Variants in GGTA1 observed in about 807,000 individuals in gnomAD.
GGTA1 encodes the protein inactive N-acetyllactosaminide alpha-1,3-galactosyltransferase.
In GGTA1, 5 loss-of-function variants were observed where a neutral mutation model predicts 2.6. The observed-to-expected ratio is 1.92, with a 90% CI of 1.00 to 4.04. The LOEUF is 4.04. Ranked by LOEUF, GGTA1 falls within the 30% of genes most tolerant of loss-of-function variation. The probability of loss-of-function intolerance (pLI) is 0.00; values close to 1 mark genes in which losing one functional copy is unlikely to be tolerated. For missense variants in GGTA1, 50 were observed against 16.7 expected, an observed-to-expected ratio of 2.99 and a Z score of -3.47; for synonymous variants, 17 against 5.0, an observed-to-expected ratio of 3.38 and a Z score of -3.19.
At chr9:121,497,354 C>T (rs10120621) in intron 1 of GGTA1, among the ~76,000 whole-genome samples, 43,431 of 152,088 alleles carry the variant, frequency 0.29, 6,777 homozygotes, top group Middle Eastern at 0.37. Context: ...TTGTTCTCCC[C>T]TCACCTCTGC....
chr9:121,474,525 T>C (rs548494391), intron 1 of GGTA1, among the ~76,000 whole-genome samples: 39 of 152,272 alleles, frequency 2.6e-4, no homozygotes, highest in Non-Finnish European at 4.7e-4. Flanking sequence ...GACAGACTTT[T>C]CCATATGGCC....
chr9:121,469,541 G>T (rs1204287211), intron 1 of GGTA1, among the ~76,000 whole-genome samples: 5 of 152,206 alleles, frequency 3.3e-5, no homozygotes, highest in African/African-American at 1.2e-4. Context: ...CTGGGGTGTG[G>T]AGGGTAGATC....
intron 5 of GGTA1, among the ~76,000 whole-genome samples, chr9:121,456,340 G>C (rs2064911215): frequency 6.6e-6 from 1 of 152,156 alleles, no homozygotes. Context: ...CACCTTCCTA[G>C]GTTATTGGCA....
At chr9:121,465,840 G>C (rs888278287) in intron 2 of GGTA1, among the ~76,000 whole-genome samples, 6 of 152,192 alleles carry the variant, frequency 3.9e-5, no homozygotes, top group Non-Finnish European at 8.8e-5. Context: ...CCTAGGCATT[G>C]CTTCCCAGTG....
chr9:121,465,077 CA>C (rs2118685386), intron 2 of GGTA1, among the ~76,000 whole-genome samples: 1 of 151,830 alleles, frequency 6.6e-6, no homozygotes, highest in African/African-American at 2.4e-5. Flanking sequence ...TTCTGCACAT[CA>C]GAGGATGTTG....
At chr9:121,493,197 T>C (rs1017331136) in intron 1 of GGTA1, among the ~76,000 whole-genome samples, 1 of 151,806 alleles carries the variant, frequency 6.6e-6, no homozygotes, top group Non-Finnish European at 1.5e-5. Flanking sequence ...CCCAGCCTCT[T>C]CCATTTCCTG....
At chr9:121,487,040 GA>G (rs1828771357) in intron 1 of GGTA1, among the ~76,000 whole-genome samples, 1 of 152,122 alleles carries the variant, frequency 6.6e-6, no homozygotes, top group Non-Finnish European at 1.5e-5. Context: ...GAAGAGACAG[GA>G]AATCCTCGAT....
At chr9:121,451,718 C>T (rs372737395), downstream of GGTA1, among the ~76,000 whole-genome samples, 1 of 152,162 alleles carries the variant, frequency 6.6e-6, no homozygotes, top group African/African-American at 2.4e-5. Context: ...CACTCAGCAC[C>T]TAGAACTTGC....
intron 1 of GGTA1, among the ~76,000 whole-genome samples, chr9:121,496,441 A>G (rs1828993847): frequency 6.6e-6 from 1 of 152,098 alleles, no homozygotes; most frequent in Non-Finnish European, 1.5e-5. Context: ...CGTAAAAAAT[A>G]GAAGGTAGGC....
rs963303356 is a variant in GGTA1 at position 121,461,197 on chromosome 9, C to G, written c.182+55G>C. ...GAACATGAAACCATTGTGTGTGGACCCTCTGCAAGCACCAGGCGGGTGGGC... is the reference window on the plus strand; with the variant it reads ...GAACATGAAACCATTGTGTGTGGACGCTCTGCAAGCACCAGGCGGGTGGGC... On this transcript the variant is annotated intron_variant, in intron 4 of 5. Coordinates refer to ENST00000481799, the MANE Select transcript of GGTA1 (RefSeq NM_001382585.1). 2.9e-5 allele frequency: 13 copies of G among 442,814 alleles called. No homozygotes were observed. In the Admixed American group the frequency reaches 3.4e-4, roughly 12 times the overall value. 27.4% of individuals were successfully genotyped at this position (442,814 alleles called of 1,614,324 possible).
chr9:121,461,214 C>T (rs1157137366), intron 4 of GGTA1, 38 bp downstream of exon 4: 34 of 450,840 alleles, frequency 7.5e-5, no homozygotes, highest in Admixed American at 2.4e-5. Flanking sequence ...AAGCACCAGG[C>T]GGGTGGGCAA....
chr9:121,485,612 C>G (rs1828741380), intron 1 of GGTA1, among the ~76,000 whole-genome samples: 1 of 152,154 alleles, frequency 6.6e-6, no homozygotes, highest in African/African-American at 2.4e-5. Context: ...AAACCTGGGA[C>G]TCAGGCCGGG....
At chr9:121,448,263 C>T (rs987185513) in intron 7 of GGTA1, among the ~76,000 whole-genome samples, 13 of 152,126 alleles carry the variant, frequency 8.5e-5, no homozygotes, top group Non-Finnish European at 4.4e-5. Context: ...CTAACATAAA[C>T]CCCAATGTTG....
At chr9:121,492,481 T>A (rs984874825) in intron 1 of GGTA1, among the ~76,000 whole-genome samples, 4 of 152,072 alleles carry the variant, frequency 2.6e-5, no homozygotes, top group Non-Finnish European at 5.9e-5. Context: ...ATTTTATTTA[T>A]TTTATTTTTG....
At chr9:121,467,010 A>G (rs2065009793) in intron 2 of GGTA1, among the ~76,000 whole-genome samples, 1 of 152,030 alleles carries the variant, frequency 6.6e-6, no homozygotes, top group Non-Finnish European at 1.5e-5. Flanking sequence ...CCAGGCTACC[A>G]TCTTGAACTT....
At chr9:121,483,315 G>A (rs529930030) in intron 1 of GGTA1, among the ~76,000 whole-genome samples, 42 of 152,258 alleles carry the variant, frequency 2.8e-4, no homozygotes, top group African/African-American at 9.6e-4. Flanking sequence ...CGCCTCCAGG[G>A]AACACTACTG....
At chr9:121,473,859 A>C (rs910888300) in intron 1 of GGTA1, among the ~76,000 whole-genome samples, 7 of 148,180 alleles carry the variant, frequency 4.7e-5, no homozygotes, top group Non-Finnish European at 7.5e-5. Flanking sequence ...TCCAGGCTGC[A>C]GTGAGCCGTG....
chr9:121,498,779 C>T (rs969781717), intron 1 of GGTA1, among the ~76,000 whole-genome samples: 1 of 152,200 alleles, frequency 6.6e-6, no homozygotes, highest in Non-Finnish European at 1.5e-5. Context: ...GGCTCTCACA[C>T]CCTCCGCGCC....
intron 2 of GGTA1, among the ~76,000 whole-genome samples, chr9:121,466,859 A>G (rs2065008208): frequency 6.6e-6 from 1 of 151,720 alleles, no homozygotes; most frequent in South Asian, 2.1e-4. Context: ...AGGCTGAGGC[A>G]GGAGAATTGC....
Sources: allele counts gnomAD v4.1 joint callset (sites outside exome capture counted in the v4.1 genomes callset), GRCh38; gene constraint gnomAD v4.1.1; transcripts MANE v1.5; gene names NCBI Gene and HGNC (gene_info 2026-07-23, HGNC 2026-07-21).